Variants in FBXW8 observed in about 807,000 individuals in gnomAD.
The protein encoded by FBXW8 is F-box and WD repeat domain containing 8.
A neutral mutation model predicts 65.3 loss-of-function variants in FBXW8; 57 were observed. The ratio of observed to expected loss-of-function variants is 0.87; its 90% CI spans 0.71 to 1.09. The LOEUF (loss-of-function observed/expected upper bound fraction) is 1.09. Among genes scored for constraint, FBXW8 ranks in the 50% least tolerant of loss-of-function variants. FBXW8 has a pLI of 0.00. For synonymous variants in FBXW8, 308 were observed against 330.2 expected, an observed-to-expected ratio of 0.93 and a Z score of 0.73; for missense variants, 777 against 814.8, an observed-to-expected ratio of 0.95 and a Z score of 0.57.
intron 4 of FBXW8, among the ~76,000 whole-genome samples, chr12:116,963,225 A>G (rs1017183238): frequency 1.3e-5 from 2 of 152,196 alleles, no homozygotes; most frequent in African/African-American, 4.8e-5. Flanking sequence ...TGGACTGTGC[A>G]ATATATGTAT....
chr12:116,970,399 A>G (rs145243322), intron 5 of FBXW8, among the ~76,000 whole-genome samples: 3 of 152,286 alleles, frequency 2.0e-5, no homozygotes, highest in African/African-American at 7.2e-5. Context: ...TCCCAGTGCA[A>G]CTGTCTGAAC....
intron 2 of FBXW8, 46 bp from the exon 3 acceptor site, chr12:116,945,318 T>G (rs1300445063): frequency 1.0e-5 from 16 of 1,580,692 alleles, no homozygotes; most frequent in Non-Finnish European, 1.4e-5. Flanking sequence ...ACAAGGGGCT[T>G]CTCTAATTGC....
chr12:116,939,673 A>G (rs1212150809), intron 2 of FBXW8, among the ~76,000 whole-genome samples: 1 of 152,258 alleles, frequency 6.6e-6, no homozygotes, highest in Non-Finnish European at 1.5e-5. Context: ...GCCCAGGATC[A>G]GAGTAAAGCT....
chr12:117,003,453 A>T (rs1953591365), intron 7 of FBXW8, among the ~76,000 whole-genome samples: 1 of 150,876 alleles, frequency 6.6e-6, no homozygotes, highest in Non-Finnish European at 1.5e-5. Flanking sequence ...CTAGGTACAG[A>T]TTATTCTATG....
chr12:116,932,569 C>T (rs941264114), intron 2 of FBXW8, among the ~76,000 whole-genome samples: 3 of 152,164 alleles, frequency 2.0e-5, no homozygotes, highest in Non-Finnish European at 2.9e-5. Flanking sequence ...GACGGAGTCT[C>T]GCTGTCACCA....
At position 117,006,232 on chromosome 12, in the gene FBXW8, T is replaced by C. The variant is rs78562270; in HGVS notation, c.1240-4091T>C. On this transcript the variant is annotated intron_variant, in intron 7 of 10. Coordinates refer to ENST00000652555, the MANE Select transcript of FBXW8 (RefSeq NM_153348.3). ...CAGAGTTCCTTTCCTCATTCATCAG[T>C]ATAGGACCAAAATTCTGAGAGGGTA... Among the ~76,000 whole-genome samples the C allele has an allele frequency of 7.8e-3, 1,195 of 152,280 alleles. 20 individuals carry two copies. Among genetic ancestry groups the C allele is most frequent in the African/African-American group, 0.027 (1,122 of 41,552 alleles).
rs78154422 is a variant in FBXW8 at position 116,929,813 on chromosome 12, T to C, written c.423+1686T>C. Among the ~76,000 whole-genome samples the C allele has an allele frequency of 7.3e-3, 1,112 of 152,276 alleles. 12 individuals are homozygous for C. The highest frequency in any genetic ancestry group is 0.024 in the African/African-American group (1,015 of 41,542). On this transcript the variant is annotated intron_variant, in intron 2 of 10. Coordinates refer to ENST00000652555, the MANE Select transcript of FBXW8 (RefSeq NM_153348.3). Reference sequence around the variant, plus strand: ...TCTCTCATCTAACTGAAATTTTGTATCCTTTGACATCTTTCCAGTGTCCCA... The same window carrying C: ...TCTCTCATCTAACTGAAATTTTGTACCCTTTGACATCTTTCCAGTGTCCCA...
intron 7 of FBXW8, among the ~76,000 whole-genome samples, chr12:116,993,624 C>T (rs951390865): frequency 1.3e-5 from 2 of 151,704 alleles, no homozygotes; most frequent in African/African-American, 2.4e-5. Context: ...TATTTGAGTT[C>T]GTAGTAGATT....
intron 5 of FBXW8, among the ~76,000 whole-genome samples, chr12:116,967,481 A>G (rs1884397512): frequency 6.6e-6 from 1 of 152,316 alleles, no homozygotes; most frequent in Admixed American, 6.5e-5. Flanking sequence ...CTATTGCCAA[A>G]TTGCCCTCCA....
rs754845865 is a variant in FBXW8 at position 116,945,439 on chromosome 12, C to G, written c.499C>G (p.Pro167Ala). The change falls in exon 3 of 11, where the codon CCG becomes GCG. Residue 167 changes from proline (P) to alanine (A), a missense_variant. Coordinates refer to ENST00000652555, the MANE Select transcript of FBXW8 (RefSeq NM_153348.3). ...GCTGTGCCAGCAGGAAGGGCACCTT[C>G]CGGATAGCAGCATCTCTGACTATTC... ...YRLCQQEGHL[P>A]DSSISDYSCW... 1.2e-6 allele frequency: 2 copies of G among 1,614,100 alleles called. No homozygotes were observed. The highest frequency in any genetic ancestry group is 1.7e-6 in the Non-Finnish European group (2 of 1,180,026).
chr12:116,921,802 A>T (rs1182453563), intron 1 of FBXW8, among the ~76,000 whole-genome samples: 1 of 150,088 alleles, frequency 6.7e-6, no homozygotes, highest in Non-Finnish European at 1.5e-5. Flanking sequence ...ACCATTGTTA[A>T]CATTTTGGTG....
intron 3 of FBXW8, among the ~76,000 whole-genome samples, chr12:116,946,786 A>G (rs548998181): frequency 6.6e-6 from 1 of 152,226 alleles, no homozygotes; most frequent in South Asian, 2.1e-4. Context: ...CATGTGATGC[A>G]CACAGGCAGA....
chr12:116,972,823 T>C (rs970686191), intron 5 of FBXW8, among the ~76,000 whole-genome samples: 10 of 152,202 alleles, frequency 6.6e-5, no homozygotes, highest in African/African-American at 2.4e-4. Context: ...TATGTATATA[T>C]GTTTATGTGT....
At position 117,030,200 on chromosome 12, in the gene FBXW8, C is replaced by CCCTG. The variant is rs1253867904; in HGVS notation, c.*2029_*2030insCTGC. ...ATACGCAGCCATTCCATATTCATCT[C>CCCTG]CAACTACACAGGGGAACGGAGCAGA... On this transcript the variant is annotated 3_prime_UTR_variant, in exon 11 of 11. Transcript: ENST00000652555. 6.6e-6 allele frequency: 1 copy of CCCTG among 152,186 alleles called. No individual in the cohort carries two copies. The highest frequency in any genetic ancestry group is 1.9e-4 in the East Asian group (1 of 5,186). 9.4% of individuals were successfully genotyped at this position (152,186 alleles called of 1,614,324 possible).
chr12:117,020,450 C>G (rs761393468), intron 8 of FBXW8, among the ~76,000 whole-genome samples: 2 of 152,202 alleles, frequency 1.3e-5, no homozygotes, highest in Admixed American at 1.3e-4. Flanking sequence ...CTGTTTTTCT[C>G]CTTCCGGAAC....
intron 8 of FBXW8, among the ~76,000 whole-genome samples, chr12:117,017,631 T>C (rs1324066306): frequency 6.6e-6 from 1 of 152,224 alleles, no homozygotes; most frequent in African/African-American, 2.4e-5. Flanking sequence ...CAGAATCATG[T>C]ATTGATTTCT....
rs1162994629 is a variant in FBXW8 at position 117,010,720 on chromosome 12, A to ACTTC, written c.1367+270_1367+271insCTTC. ...GCCGCAGTTGGTAGAAGGTCCAGGG[A>ACTTC]GACCACTTGGAATATCTTTTGTCCC... On this transcript the variant is annotated intron_variant, in intron 8 of 10. Coordinates refer to ENST00000652555, the MANE Select transcript of FBXW8 (RefSeq NM_153348.3). Among the ~76,000 whole-genome samples, 9 of 152,368 alleles carry ACTTC rather than the reference A, an allele frequency of 5.9e-5. No homozygotes were observed. The East Asian group carries it at 1.5e-3, about 26-fold the overall frequency.
chr12:117,004,097 T>A (rs1001729364), intron 7 of FBXW8, among the ~76,000 whole-genome samples: 11 of 152,100 alleles, frequency 7.2e-5, no homozygotes, highest in Non-Finnish European at 1.0e-4. Context: ...AGATTTCCCA[T>A]CTCTCTGTCT....
At chr12:116,949,765 AC>A in intron 4 of FBXW8, 59 bp downstream of exon 4, 1 of 1,490,254 alleles carries the variant, frequency 6.7e-7, no homozygotes, top group Non-Finnish European at 9.4e-7. Context: ...TTTTTCTCAT[AC>A]CACCCTCTGA....
Sources: allele counts gnomAD v4.1 joint callset (sites outside exome capture counted in the v4.1 genomes callset), GRCh38; gene constraint gnomAD v4.1.1; transcripts MANE v1.5; gene names NCBI Gene and HGNC (gene_info 2026-07-23, HGNC 2026-07-21).